Variants in NDRG4 observed in about 807,000 individuals in gnomAD.
NDRG4 encodes the protein protein NDRG4.
In NDRG4, 38 loss-of-function variants were observed where a neutral mutation model predicts 55.8. The ratio of observed to expected loss-of-function variants is 0.68; its 90% confidence interval spans 0.53 to 0.89. NDRG4 has a LOEUF of 0.89. Ranked by LOEUF, NDRG4 falls within the 40% of genes least tolerant of loss-of-function variation. The pLI, the probability that NDRG4 is intolerant of heterozygous loss-of-function variation, is 0.00. For synonymous variants in NDRG4, 190 were observed against 182.7 expected, an observed-to-expected ratio of 1.04 and a Z score of -0.32; for missense variants, 455 against 468.6, an observed-to-expected ratio of 0.97 and a Z score of 0.27.
downstream of NDRG4, among the ~76,000 whole-genome samples, chr16:58,514,797 C>G (rs1284932607): frequency 6.7e-6 from 1 of 148,684 alleles, no homozygotes; most frequent in Non-Finnish European, 1.5e-5. Flanking sequence ...TGTTGAGCTG[C>G]GGCGTTGCTT....
rs2038882085 is a variant in NDRG4 at position 58,512,145 on chromosome 16, A to ACGCAGGCAGGGG, written c.*572_*583dup. ...TGGGCCCAGCTGGTGCTGTAGGGCC[A>ACGCAGGCAGGGG]CGCAGGCAGGGGCGTCAAGGGGTTT... On this transcript the variant is annotated 3_prime_UTR_variant, in exon 15 of 15. Transcript: ENST00000570248. 1 of 455,810 alleles carries ACGCAGGCAGGGG rather than the reference A, an allele frequency of 2.2e-6. No homozygotes were observed. Among genetic ancestry groups the ACGCAGGCAGGGG allele is most frequent in the Admixed American group, 2.4e-5 (1 of 42,470 alleles). The allele number at this position is 455,810 out of a possible 1,614,324, so 28.2% of individuals were successfully genotyped here. A position where few individuals can be genotyped will look rare whatever the true frequency, so the allele number is the denominator to read the frequency against.
intron 1 of NDRG4, among the ~76,000 whole-genome samples, chr16:58,467,182 C>G (rs1186487813): frequency 1.3e-5 from 2 of 152,194 alleles, no homozygotes; most frequent in Non-Finnish European, 2.9e-5. Context: ...GCCCCGACAT[C>G]AGCCTTAGGA....
chr16:58,484,086 A>G (rs911745079), intron 1 of NDRG4, among the ~76,000 whole-genome samples: 1 of 150,996 alleles, frequency 6.6e-6, no homozygotes, highest in African/African-American at 2.4e-5. Flanking sequence ...TTTGACCAAG[A>G]CCCTGTCTCT....
At chr16:58,472,757 C>T (rs2033053735) in intron 1 of NDRG4, among the ~76,000 whole-genome samples, 1 of 152,134 alleles carries the variant, frequency 6.6e-6, no homozygotes, top group Non-Finnish European at 1.5e-5. Flanking sequence ...CAGGCCCTTC[C>T]TCGCAAGGGC....
downstream of NDRG4, among the ~76,000 whole-genome samples, chr16:58,514,614 C>G (rs1597372134): frequency 6.6e-6 from 1 of 151,848 alleles, no homozygotes; most frequent in Non-Finnish European, 1.5e-5. Context: ...TGGCAGCGTA[C>G]GCCTGTAGTC....
chr16:58,465,768 G>A (rs187840080), intron 1 of NDRG4, among the ~76,000 whole-genome samples: 261 of 152,246 alleles, frequency 1.7e-3, no homozygotes, highest in African/African-American at 6.2e-3. Context: ...GCAATAGCTC[G>A]TGACAGACTT....
chr16:58,503,927 A>C (rs1302957738), intron 2 of NDRG4, 24 bp downstream of exon 2: 1 of 1,612,060 alleles, frequency 6.2e-7, no homozygotes, highest in East Asian at 2.2e-5. Context: ...AGCCTCAGTC[A>C]GCCCTCCTCT....
intron 1 of NDRG4, among the ~76,000 whole-genome samples, chr16:58,466,056 G>A (rs1246339070): frequency 6.6e-6 from 1 of 152,170 alleles, no homozygotes; most frequent in Non-Finnish European, 1.5e-5. Flanking sequence ...CCACTCTGTC[G>A]CCCAGGCTGG....
intron 1 of NDRG4, among the ~76,000 whole-genome samples, chr16:58,482,679 TCCTCCCTCCCTTCCTTCCTC>T (rs1567580605): frequency 7.9e-5 from 10 of 126,814 alleles, no homozygotes; most frequent in African/African-American, 3.8e-4. Context: ...CTCCCTTCCT[TCCTCCCTCCCTTCCTTCCTC>T]CCTCCCTCCT....
chr16:58,464,742 C>A lies in NDRG4; in HGVS notation c.-24+945C>A, dbSNP rs1271970258. 7.8e-7 allele frequency: 1 copy of A among 1,281,342 alleles called. No individual in the cohort carries two copies. Among genetic ancestry groups the A allele is most frequent in the Non-Finnish European group, 9.8e-7 (1 of 1,015,650 alleles). 79.4% of individuals were successfully genotyped at this position (1,281,342 alleles called of 1,614,324 possible). A position where few individuals can be genotyped will look rare whatever the true frequency, so the allele number is the denominator to read the frequency against. On this transcript the variant is annotated intron_variant, in intron 1 of 15. Transcript: ENST00000258187. This position sits in a 1 kb window ranked among gnomAD's most constrained non-coding sequence, Gnocchi z 4.8. ...CTGACCAGCGGAGCTCGGATTAGGA[C>A]CCTGAAAGCTAGCTCAGGGCTCCTG...
chr16:58,495,835 T>A (rs551427843), upstream of NDRG4, among the ~76,000 whole-genome samples: 5 of 152,124 alleles, frequency 3.3e-5, no homozygotes, highest in East Asian at 7.8e-4. Flanking sequence ...GGGAATGCCA[T>A]CTCCAAGCAC....
rs182176651 is a variant in NDRG4 at position 58,473,895 on chromosome 16, G to A, written c.-24+10098G>A. On this transcript the variant is annotated intron_variant, in intron 1 of 15. Transcript: ENST00000258187. The stretch of plus-strand genomic sequence containing the variant: ...GTGCATGTTTATACTCAGAGTAAAA[G>A]CCAGTTTCCCTAACAACCTTCAGGG... Among the ~76,000 whole-genome samples, 11 of 152,114 alleles carry A rather than the reference G, an allele frequency of 7.2e-5. No individual in the cohort carries two copies. The East Asian group carries it at 1.9e-3, about 27-fold the overall frequency.
rs2037473115 is a variant in NDRG4, at chr16:58,503,798, G to A, written c.22G>A (p.Glu8Lys). ...GTCCAGCACGGTCTCTCCCCTTCAG[G>A]AACATGACATCGAGACACCCTACGG... is the stretch of plus-strand genomic sequence containing the variant. MPECWDG[E>K]HDIETPYGLL... Residue 8 changes from glutamate (E) to lysine (K), a missense_variant and splice_region_variant, in exon 2 of 15, where the codon GAA (glutamate) becomes AAA (lysine). Coordinates refer to ENST00000570248, the MANE Select transcript of NDRG4 (RefSeq NM_001242835.2). 2 of 1,613,736 alleles carry A rather than the reference G, an allele frequency of 1.2e-6. No individual in the cohort carries two copies. The highest frequency in any genetic ancestry group is 1.7e-6 in the Non-Finnish European group (2 of 1,179,990).
intron 2 of NDRG4, among the ~76,000 whole-genome samples, chr16:58,493,348 A>G (rs141490045): frequency 6.6e-6 from 1 of 152,336 alleles, no homozygotes; most frequent in African/African-American, 2.4e-5. Context: ...AGCTCACTGC[A>G]ACCTCTGCCT....
chr16:58,477,685 A>G (rs1172885872), intron 1 of NDRG4, among the ~76,000 whole-genome samples: 2 of 151,978 alleles, frequency 1.3e-5, no homozygotes, highest in Non-Finnish European at 2.9e-5. Flanking sequence ...TCAGCAGGAA[A>G]AAAAAAAAGA....
intron 1 of NDRG4, among the ~76,000 whole-genome samples, chr16:58,502,895 C>T (rs938131173): frequency 9.2e-5 from 14 of 152,210 alleles, no homozygotes; most frequent in Admixed American, 2.6e-4. Context: ...AAAGGAACAG[C>T]GAGAAGGGCA....
intron 1 of NDRG4, among the ~76,000 whole-genome samples, chr16:58,474,027 CCTTTTTTTTT>C (rs2033248676): frequency 7.0e-6 from 1 of 142,334 alleles, no homozygotes; most frequent in African/African-American, 2.7e-5. Context: ...CTTTTCTTTC[CCTTTTTTTTT>C]TTTTTTTTTT....
intron 1 of NDRG4, chr16:58,502,041 G>A (rs2037220712): frequency 4.4e-6 from 2 of 455,754 alleles, no homozygotes; most frequent in African/African-American, 2.0e-5. Context: ...GAGCTCCCTC[G>A]GGTGGAACCT....
chr16:58,509,202 GCC>G lies in NDRG4; in HGVS notation c.813+15_813+16del, dbSNP rs1455317857. The stretch of plus-strand genomic sequence containing the variant: ...CCAGGTCACACAGGTGAGACTTTTG[GCC>G]CTCCTGCCCTTACATCTATGGGGAG... On this transcript the variant is annotated intron_variant, in intron 12 of 14. Coordinates refer to ENST00000570248, the MANE Select transcript of NDRG4 (RefSeq NM_001242835.2). 6.2e-7 allele frequency: 1 copy of G among 1,613,988 alleles called. No individual in the cohort carries two copies. The highest frequency in any genetic ancestry group is 1.7e-5 in the Admixed American group (1 of 60,024).
Sources: gnomAD v4.1 joint callset for allele counts (sites outside exome capture counted in the v4.1 genomes callset) on GRCh38, gnomAD v4.1.1 for gene constraint, Gnocchi (gnomAD v3.1) non-coding constraint, MANE v1.5 for transcripts, NCBI Gene and HGNC (gene_info 2026-07-23, HGNC 2026-07-21) for gene names.